Variants in ANKRD13B observed in about 807,000 individuals in gnomAD.
ANKRD13B encodes the protein ankyrin repeat domain 13B.
Under a neutral mutation model 74.4 loss-of-function variants are expected in ANKRD13B, and 33 were observed. That is an observed-to-expected ratio of 0.44 (90% CI 0.34 to 0.59). The LOEUF is 0.59. ANKRD13B is among the 20% of genes least tolerant of loss of function. The pLI is 0.02. For synonymous variants in ANKRD13B, 341 were observed against 362.9 expected (o/e 0.94, Z 0.68); for missense variants, 676 against 877.9 (o/e 0.77, Z 2.91).
rs1185938743 is a variant in ANKRD13B, at chr17:29,593,691, C to T, written c.70C>T (p.His24Tyr). 2.8e-6 allele frequency: 4 copies of T among 1,443,474 alleles called. No individual in the cohort carries two copies. Among genetic ancestry groups the T allele is most frequent in the Admixed American group, 2.5e-5 (1 of 39,608 alleles). 89.4% of individuals were successfully genotyped at this position (1,443,474 alleles called of 1,614,324 possible). Residue 24 changes from histidine to tyrosine, a missense_variant, in exon 1 of 15, where the codon CAC becomes TAC. His to Tyr is a moderately conservative substitution (Grantham distance 83). This residue lies in a region of ANKRD13B where 88 missense variants were observed against 87.8 expected (regional missense o/e 1.00). Transcript: ENST00000394859. The stretch of plus-strand genomic sequence containing the variant: ...GTATCCGCTGCACTACCTCGTGTGG[C>T]ACAACCGCCACCGCGAGCTGGAGAA... ...GKYPLHYLVW[H>Y]NRHRELEKEV...
Position 29,593,662 on chromosome 17 carries a change from G to C in ANKRD13B, c.41G>C (p.Gly14Ala). The change falls in exon 1 of 15, where the codon GGC becomes GCC. Residue 14 changes from glycine to alanine, a missense_variant. Gly to Ala is a moderately conservative substitution (Grantham distance 60, BLOSUM62 0). Coordinates refer to ENST00000394859, the MANE Select transcript of ANKRD13B (RefSeq NM_152345.5). ...GCCTCCGCCAGGAAGGGGCCCGAGG[G>C]CAAGTATCCGCTGCACTACCTCGTG... ...ANASARKGPE[G>A]KYPLHYLVWH... 1 of 1,429,692 alleles carries C rather than the reference G, an allele frequency of 7.0e-7. No individual in the cohort carries two copies. 88.6% of individuals were successfully genotyped at this position (1,429,692 alleles called of 1,614,324 possible). A position where few individuals can be genotyped will look rare whatever the true frequency, so the allele number is the denominator to read the frequency against.
rs2034462625 is a variant in ANKRD13B at position 29,608,356 on chromosome 17, C to A, written c.421+116C>A. 7.4e-7 allele frequency: 1 copy of A among 1,343,592 alleles called. No homozygotes were observed. 83.2% of individuals were successfully genotyped at this position (1,343,592 alleles called of 1,614,324 possible). Reference sequence around the variant, plus strand: ...CGGCGGTTCCCTCTATGCCTTAGCTCAGCTCAGGGCCACCGCCTCAGCTAG... The same window carrying A: ...CGGCGGTTCCCTCTATGCCTTAGCTAAGCTCAGGGCCACCGCCTCAGCTAG... On this transcript the variant is annotated intron_variant, in intron 4 of 14. Transcript: ENST00000394859. This position sits in a 1 kb window ranked among gnomAD's most constrained non-coding sequence, Gnocchi z 6.4.
In ANKRD13B at chr17:29,609,290, C is replaced by T. The variant is rs2034496473; in HGVS notation, c.755+15C>T. The T allele has an allele frequency of 6.2e-7, 1 of 1,612,758 alleles. No individual in the cohort carries two copies. Among genetic ancestry groups the T allele is most frequent in the Admixed American group, 1.7e-5 (1 of 59,950 alleles). On this transcript the variant is annotated intron_variant, in intron 6 of 14. Coordinates refer to ENST00000394859, the MANE Select transcript of ANKRD13B (RefSeq NM_152345.5). This position sits in a 1 kb window ranked among gnomAD's most constrained non-coding sequence, Gnocchi z 4.0. The stretch of plus-strand genomic sequence containing the variant: ...TCCTTTGAGAGGTGGGTGGACATGG[C>T]CTTGGTCACCCTTGAGCCAGCCCGG...
intron 1 of ANKRD13B, among the ~76,000 whole-genome samples, chr17:29,596,263 T>C (rs1298378295): frequency 6.6e-6 from 1 of 152,200 alleles, no homozygotes; most frequent in Non-Finnish European, 1.5e-5. Context: ...CCCAAATTGC[T>C]CTGCTGGAGG....
chr17:29,613,826 C>T lies in ANKRD13B; in HGVS notation c.*244C>T, dbSNP rs1280924394. 1.8e-6 allele frequency: 1 copy of T among 565,616 alleles called. No individual in the cohort carries two copies. Among genetic ancestry groups the T allele is most frequent in the Non-Finnish European group, 2.9e-6 (1 of 347,418 alleles). 35.0% of individuals were successfully genotyped at this position (565,616 alleles called of 1,614,324 possible). A position where few individuals can be genotyped will look rare whatever the true frequency, so the allele number is the denominator to read the frequency against. The stretch of plus-strand genomic sequence containing the variant: ...CCCCCTGCTTTGCTGTATTCTGATT[C>T]CCCAACCCGCTCCCCTGGGCTCAGA... On this transcript the variant is annotated 3_prime_UTR_variant, in exon 15 of 15. Transcript: ENST00000394859.
intron 7 of ANKRD13B, among the ~76,000 whole-genome samples, chr17:29,610,029 AAC>A (rs1443067675): frequency 7.2e-5 from 11 of 152,060 alleles, no homozygotes; most frequent in African/African-American, 2.7e-4. Flanking sequence ...CGTCTCTACT[AAC>A]AATACAAAAA....
At chr17:29,602,326 C>T (rs1429303580) in intron 1 of ANKRD13B, among the ~76,000 whole-genome samples, 7 of 146,946 alleles carry the variant, frequency 4.8e-5, no homozygotes, top group East Asian at 2.0e-4. Context: ...ACCGGGGAAG[C>T]GGAGCTTACA....
In ANKRD13B at chr17:29,613,657, C is replaced by G. The variant is rs1033414679; in HGVS notation, c.*75C>G. Reference sequence around the variant, plus strand: ...CAGGAGCCAGACAAACCCCGGCCTGCGCGCCTGCAGAGCGGCGGCTGGAGA... The same window carrying G: ...CAGGAGCCAGACAAACCCCGGCCTGGGCGCCTGCAGAGCGGCGGCTGGAGA... On this transcript the variant is annotated 3_prime_UTR_variant, in exon 15 of 15. Coordinates refer to ENST00000394859, the MANE Select transcript of ANKRD13B (RefSeq NM_152345.5). 1.8e-5 allele frequency: 25 copies of G among 1,372,860 alleles called. No individual in the cohort carries two copies. The highest frequency in any genetic ancestry group is 2.2e-5 in the Non-Finnish European group (23 of 1,067,576). 85.0% of individuals were successfully genotyped at this position (1,372,860 alleles called of 1,614,324 possible).
chr17:29,595,228 T>C (rs2150869086), intron 1 of ANKRD13B, among the ~76,000 whole-genome samples: 1 of 152,302 alleles, frequency 6.6e-6, no homozygotes, highest in Non-Finnish European at 1.5e-5. Flanking sequence ...TCAAGGAGTC[T>C]CTGTTCTGGT....
Position 29,611,850 on chromosome 17 carries a change from C to T in ANKRD13B, c.970-26C>T, listed in dbSNP as rs767262258. ...CTGGCATTAGGAACTGAGGGGAGCT[C>T]CTGGGCCCCTCCCCATGTGGTACAG... On this transcript the variant is annotated intron_variant, in intron 9 of 14. Coordinates refer to ENST00000394859, the MANE Select transcript of ANKRD13B (RefSeq NM_152345.5). This position sits in a 1 kb window ranked among gnomAD's most constrained non-coding sequence, Gnocchi z 4.3. 1.3e-6 allele frequency: 2 copies of T among 1,570,198 alleles called. No homozygotes were observed. The highest frequency in any genetic ancestry group is 8.6e-7 in the Non-Finnish European group (1 of 1,156,414).
At chr17:29,598,419 A>G (rs973211999) in intron 1 of ANKRD13B, among the ~76,000 whole-genome samples, 2 of 151,392 alleles carry the variant, frequency 1.3e-5, no homozygotes, top group African/African-American at 4.9e-5. Flanking sequence ...CCTCCCCAGC[A>G]CTCTGGACTC....
intron 1 of ANKRD13B, among the ~76,000 whole-genome samples, chr17:29,596,489 G>C (rs1217907329): frequency 1.4e-4 from 21 of 152,210 alleles, no homozygotes. Context: ...TGAGTTCCTG[G>C]TGTTCCCTGG....
Position 29,612,454 on chromosome 17 carries a change from C to T in ANKRD13B, c.1311C>T (p.Asn437=), listed in dbSNP as rs1236689900. The T allele has an allele frequency of 1.6e-5, 26 of 1,606,756 alleles. No homozygotes were observed. Among genetic ancestry groups the T allele is most frequent in the Non-Finnish European group, 2.1e-5 (25 of 1,176,710 alleles). ...LNARITFGNL[N]GCDEPVPSVR... is the part of the protein sequence containing the mutation. ...CCCGCATCACCTTCGGGAACCTCAA[C>T]GGCTGCGACGAACCGGTGCCATCGG... Residue 437 remains asparagine, a synonymous_variant, in exon 12 of 15, where the codon AAC becomes AAT. Transcript: ENST00000394859. This position sits in a 1 kb window ranked among gnomAD's most constrained non-coding sequence, Gnocchi z 6.1.
chr17:29,597,337 C>T (rs1292842753), intron 1 of ANKRD13B, among the ~76,000 whole-genome samples: 1 of 152,174 alleles, frequency 6.6e-6, no homozygotes, highest in African/African-American at 2.4e-5. Flanking sequence ...GGCCAGAAGG[C>T]AGCTGGGCAT....
rs1007427181 is a variant in ANKRD13B, at chr17:29,613,560, G to A, written c.1859G>A (p.Arg620Lys). The A allele has an allele frequency of 8.4e-5, 125 of 1,492,220 alleles. No individual in the cohort carries two copies. The highest frequency in any genetic ancestry group is 1.1e-4 in the Non-Finnish European group (119 of 1,121,824). 92.4% of individuals were successfully genotyped at this position (1,492,220 alleles called of 1,614,324 possible). A position where few individuals can be genotyped will look rare whatever the true frequency, so the allele number is the denominator to read the frequency against. Residue 620 changes from arginine (R) to lysine (K), a missense_variant, in exon 15 of 15, where the codon AGG (arginine) becomes AAG (lysine). Physicochemically the swap from Arg to Lys is conservative, Grantham distance 26 (BLOSUM62 2). This residue lies in a region of ANKRD13B where 108 missense variants were observed against 90.3 expected (regional missense o/e 1.20). Coordinates refer to ENST00000394859, the MANE Select transcript of ANKRD13B (RefSeq NM_152345.5). Reference protein sequence around the residue: ...QEEEELERILRLSLTEQ With the variant: ...QEEEELERILKLSLTEQ Reference sequence around the variant, plus strand: ...GAGGAGGAGCTGGAGCGCATCCTGAGGCTCTCACTGACCGAGCAGTAGCGC... The same window carrying A: ...GAGGAGGAGCTGGAGCGCATCCTGAAGCTCTCACTGACCGAGCAGTAGCGC...
At position 29,611,562 on chromosome 17, in the gene ANKRD13B, TG is replaced by T; in HGVS notation, c.905-16del. The T allele has an allele frequency of 1.9e-6, 3 of 1,613,796 alleles. No homozygotes were observed. The highest frequency in any genetic ancestry group is 2.5e-6 in the Non-Finnish European group (3 of 1,179,722). On this transcript the variant is annotated splice_polypyrimidine_tract_variant and intron_variant, in intron 8 of 14. Coordinates refer to ENST00000394859, the MANE Select transcript of ANKRD13B (RefSeq NM_152345.5). The surrounding 1 kb of genome is among the most constrained non-coding windows in gnomAD (Gnocchi z 4.3). ...TGTGGAGTTGCGGTGTCCTCTGAGA[TG>T]CCACATTTCTTGTAGGCTGTAAGAC... is the stretch of plus-strand genomic sequence containing the variant.
At position 29,612,291 on chromosome 17, in the gene ANKRD13B, T is replaced by C. The variant is rs762150989; in HGVS notation, c.1258+18T>C. ...TAAGATTGGTGAGACCGCACGGCCA[T>C]TTCTCCTGAGCCCGTGGCGGGCCGA... is the stretch of plus-strand genomic sequence containing the variant. On this transcript the variant is annotated intron_variant, in intron 11 of 14. Transcript: ENST00000394859. The surrounding 1 kb of genome is among the most constrained non-coding windows in gnomAD (Gnocchi z 6.1). 6.2e-7 allele frequency: 1 copy of C among 1,613,548 alleles called. No individual in the cohort carries two copies. Among genetic ancestry groups the C allele is most frequent in the East Asian group, 2.2e-5 (1 of 44,864 alleles).
At position 29,609,004 on chromosome 17, in the gene ANKRD13B, G is replaced by A; in HGVS notation, c.565+10G>A. 6.2e-7 allele frequency: 1 copy of A among 1,614,030 alleles called. No individual in the cohort carries two copies. Among genetic ancestry groups the A allele is most frequent in the Non-Finnish European group, 8.5e-7 (1 of 1,180,038 alleles). On this transcript the variant is annotated intron_variant, in intron 5 of 14. Coordinates refer to ENST00000394859, the MANE Select transcript of ANKRD13B (RefSeq NM_152345.5). The surrounding 1 kb of genome is among the most constrained non-coding windows in gnomAD (Gnocchi z 4.0). ...GTCTTCAGGGGCCAAGGTCAGGCAG[G>A]CAGGAAGTGGGGCAGGGTGGGGACG...
Position 29,608,521 on chromosome 17 carries a change from A to T in ANKRD13B, c.421+281A>T. On this transcript the variant is annotated intron_variant, in intron 4 of 14. Transcript: ENST00000394859. This position sits in a 1 kb window ranked among gnomAD's most constrained non-coding sequence, Gnocchi z 6.4. The stretch of plus-strand genomic sequence containing the variant: ...AGAGGGCAGGAGTCCTGTCTTTTTC[A>T]CTGTTGTATTCCCAGTGGCTGGAAC... 1 of 577,002 alleles carries T rather than the reference A, an allele frequency of 1.7e-6. No individual in the cohort carries two copies. Among genetic ancestry groups the T allele is most frequent in the East Asian group, 2.9e-5 (1 of 34,552 alleles). The allele number at this position is 577,002 out of a possible 1,614,324, so 35.7% of individuals were successfully genotyped here. A position where few individuals can be genotyped will look rare whatever the true frequency, so the allele number is the denominator to read the frequency against.
Sources: gnomAD v4.1 joint callset for allele counts (sites outside exome capture counted in the v4.1 genomes callset) on GRCh38, gnomAD v4.1.1 for gene constraint, gnomAD v4.1.1 regional missense constraint, Gnocchi (gnomAD v3.1) non-coding constraint, MANE v1.5 for transcripts, NCBI Gene and HGNC (gene_info 2026-07-23, HGNC 2026-07-21) for gene names.